Variants in NEO1 observed in about 807,000 individuals in gnomAD.
The protein encoded by NEO1 is neogenin.
In NEO1, 63 loss-of-function variants were observed where a neutral mutation model predicts 159.7. The ratio of observed to expected loss-of-function variants is 0.39; its 90% CI spans 0.32 to 0.49. The LOEUF is 0.49. Ranked by LOEUF, NEO1 falls within the 20% of genes least tolerant of loss-of-function variation. NEO1 has a pLI of 0.85. For missense variants in NEO1, 1,615 were observed against 1,831.0 expected (o/e 0.88, Z 2.15); for synonymous variants, 633 against 662.0 (o/e 0.96, Z 0.67).
At chr15:73,068,223 A>ACCCCCCCCCCCCCC (rs1555421033) in intron 1 of NEO1, among the ~76,000 whole-genome samples, 3 of 82,972 alleles carry the variant, frequency 3.6e-5, no homozygotes, top group Non-Finnish European at 7.4e-5. Flanking sequence ...TTGTCCCCCT[A>ACCCCCCCCCCCCCC]CCCCCCCCCC....
chr15:73,150,020 C>G (rs1016339254), intron 5 of NEO1, among the ~76,000 whole-genome samples: 3 of 152,162 alleles, frequency 2.0e-5, no homozygotes, highest in Non-Finnish European at 4.4e-5. Context: ...ACCTTGATCT[C>G]TTGCCCAGCA....
intron 7 of NEO1, among the ~76,000 whole-genome samples, chr15:73,194,324 A>C (rs946082032): frequency 4.6e-5 from 7 of 152,164 alleles, no homozygotes; most frequent in Admixed American, 3.3e-4. Flanking sequence ...GCTTTGTATT[A>C]GTTCATTTGC....
At chr15:73,273,029 C>T (rs974327733) in intron 19 of NEO1, among the ~76,000 whole-genome samples, 1 of 149,936 alleles carries the variant, frequency 6.7e-6, no homozygotes, top group Non-Finnish European at 1.5e-5. Context: ...CCCCCGAGAC[C>T]TGCTACTTCA....
At chr15:73,234,969 AGCT>A (rs2039095428) in intron 7 of NEO1, among the ~76,000 whole-genome samples, 1 of 152,194 alleles carries the variant, frequency 6.6e-6, no homozygotes, top group African/African-American at 2.4e-5. Context: ...TATTTTATAG[AGCT>A]GCTGTAAGGA....
chr15:73,130,039 A>G (rs889564345), intron 4 of NEO1, among the ~76,000 whole-genome samples: 2 of 152,176 alleles, frequency 1.3e-5, no homozygotes, highest in African/African-American at 4.8e-5. Flanking sequence ...TCTGTTACCC[A>G]GGCTGGAGTG....
intron 4 of NEO1, among the ~76,000 whole-genome samples, chr15:73,134,008 G>A (rs1433989292): frequency 6.6e-6 from 1 of 152,088 alleles, no homozygotes; most frequent in Non-Finnish European, 1.5e-5. Flanking sequence ...TTCAAATTAT[G>A]TTCATCTCAG....
At chr15:73,079,481 G>C (rs12908199) in intron 1 of NEO1, among the ~76,000 whole-genome samples, 15,090 of 152,050 alleles carry the variant, frequency 0.099, 807 homozygotes, top group Non-Finnish European at 0.1. Context: ...TTTTGCTGTT[G>C]GTACTATTCA....
rs141408210 is a variant in NEO1 at position 73,172,852 on chromosome 15, G to T, written c.1016-3551G>T. Among the ~76,000 whole-genome samples the T allele has an allele frequency of 1.0e-3, 154 of 152,204 alleles. 1 individual carries two copies. Among genetic ancestry groups the T allele is most frequent in the African/African-American group, 3.6e-3 (150 of 41,536 alleles). ...TGCTTCAGATTACTTTCATTGTAAG[G>T]GTCAAAGCAGAGGGGACTTTCTTAT... On this transcript the variant is annotated intron_variant, in intron 5 of 28. Transcript: ENST00000261908.
chr15:73,069,413 A>C (rs2068424037), intron 1 of NEO1, among the ~76,000 whole-genome samples: 2 of 150,888 alleles, frequency 1.3e-5, no homozygotes, highest in African/African-American at 4.9e-5. Flanking sequence ...AGGCCAAGAG[A>C]CTTTTTTTTT....
chr15:73,292,472 C>T (rs1325128728), intron 25 of NEO1, among the ~76,000 whole-genome samples: 1 of 152,164 alleles, frequency 6.6e-6, no homozygotes, highest in Non-Finnish European at 1.5e-5. Flanking sequence ...ACAACCACTC[C>T]AAGGGAGTTC....
chr15:73,281,157 G>C (rs1317169088), intron 22 of NEO1, among the ~76,000 whole-genome samples: 2 of 147,316 alleles, frequency 1.4e-5, no homozygotes, highest in African/African-American at 5.0e-5. Context: ...GCAGTGAGCG[G>C]AGATTGTGCC....
intron 7 of NEO1, among the ~76,000 whole-genome samples, chr15:73,199,723 G>A (rs1476633943): frequency 2.0e-5 from 3 of 152,180 alleles, no homozygotes; most frequent in Non-Finnish European, 4.4e-5. Context: ...CAGTTCTGGA[G>A]GTTGGGAGTC....
chr15:73,283,307 A>T (rs1441058625), intron 23 of NEO1, among the ~76,000 whole-genome samples, 196 bp downstream of exon 23: 3 of 152,248 alleles, frequency 2.0e-5, no homozygotes, highest in Non-Finnish European at 4.4e-5. Flanking sequence ...GCACATTTAA[A>T]AGGATTTCAA....
At chr15:73,143,077 G>T (rs2032556720) in intron 5 of NEO1, among the ~76,000 whole-genome samples, 1 of 152,206 alleles carries the variant, frequency 6.6e-6, no homozygotes, top group African/African-American at 2.4e-5. Context: ...AAAGCTGAGT[G>T]ACAGAACGCA....
At chr15:73,245,446 T>C (rs1051008920) in intron 9 of NEO1, among the ~76,000 whole-genome samples, 1 of 152,172 alleles carries the variant, frequency 6.6e-6, no homozygotes, top group South Asian at 2.1e-4. Context: ...ATATCTTAAG[T>C]TTGGATTGTA....
rs190863541 is a variant in NEO1, at chr15:73,180,266, C to G, written c.1291+1839C>G. ...AGATGGCACCTACTCTGGCTTTTCACTAACATGGCATATATGTAGGATTTT... is the reference window on the plus strand; with the variant it reads ...AGATGGCACCTACTCTGGCTTTTCAGTAACATGGCATATATGTAGGATTTT... On this transcript the variant is annotated intron_variant, in intron 7 of 28. Coordinates refer to ENST00000261908, the MANE Select transcript of NEO1 (RefSeq NM_002499.4). Among the ~76,000 whole-genome samples, 471 of 152,290 alleles carry G rather than the reference C, an allele frequency of 3.1e-3. 3 individuals are homozygous for G. The highest frequency in any genetic ancestry group is 0.011 in the African/African-American group (448 of 41,556).
intron 7 of NEO1, among the ~76,000 whole-genome samples, chr15:73,194,356 A>C (rs1306780506): frequency 6.6e-6 from 1 of 152,194 alleles, no homozygotes; most frequent in Non-Finnish European, 1.5e-5. Flanking sequence ...AGAATACCTA[A>C]GGATGGGTAA....
intron 5 of NEO1, among the ~76,000 whole-genome samples, chr15:73,148,851 C>A (rs1262300683): frequency 1.4e-5 from 2 of 147,176 alleles, no homozygotes; most frequent in Non-Finnish European, 3.0e-5. Flanking sequence ...GGTTTTCAAA[C>A]TTGTTTTTTT....
chr15:73,289,156 A>C lies in NEO1; in HGVS notation c.3660A>C (p.Ser1220=). 6.2e-7 allele frequency: 1 copy of C among 1,614,048 alleles called. No homozygotes were observed. Among genetic ancestry groups the C allele is most frequent in the East Asian group, 2.2e-5 (1 of 44,884 alleles). The change falls in exon 25 of 29, where the codon TCA becomes TCC. Residue 1220 remains serine, a synonymous_variant. Coordinates refer to ENST00000261908, the MANE Select transcript of NEO1 (RefSeq NM_002499.4). ...QRRNSYRGHE[S]EDSMSTLAGR... is the part of the protein sequence containing the mutation. ...ACGTTTAACATCTAGGGCATGAGTCAGAGGACAGCATGTCTACACTGGCTG... is the reference window on the plus strand; with the variant it reads ...ACGTTTAACATCTAGGGCATGAGTCCGAGGACAGCATGTCTACACTGGCTG...
Sources: gnomAD v4.1 joint callset for allele counts (sites outside exome capture counted in the v4.1 genomes callset) on GRCh38, gnomAD v4.1.1 for gene constraint, MANE v1.5 for transcripts, NCBI Gene and HGNC (gene_info 2026-07-23, HGNC 2026-07-21) for gene names.